NCOA4: variants seen among roughly 807,000 people sequenced by gnomAD.
NCOA4 encodes the protein nuclear receptor coactivator 4.
A neutral mutation model predicts 69.5 loss-of-function variants in NCOA4; 31 were observed. The observed-to-expected ratio is 0.45, with a 90% CI of 0.34 to 0.60. The LOEUF (loss-of-function observed/expected upper bound fraction) is 0.60, where lower values mean the gene tolerates loss of function less well. NCOA4 is among the 20% of genes least tolerant of loss of function. The probability of loss-of-function intolerance (pLI) is 0.02; values close to 1 mark genes in which losing one functional copy is unlikely to be tolerated. For missense variants in NCOA4, 600 were observed against 719.2 expected, an observed-to-expected ratio of 0.83 and a Z score of 1.90; for synonymous variants, 228 against 252.4, an observed-to-expected ratio of 0.90 and a Z score of 0.92.
At chr10:46,013,093 T>A (rs889251062) in intron 6 of NCOA4, 67 bp from the exon 7 acceptor site, 27 of 1,513,290 alleles carry the variant, frequency 1.8e-5, no homozygotes, top group Non-Finnish European at 2.5e-5. Flanking sequence ...GAAGAGCCAC[T>A]CTCTAATCTT....
rs184790481 is a variant in NCOA4, at chr10:46,019,739, G to C, written c.-14-3045C>G. Among the ~76,000 whole-genome samples the C allele has an allele frequency of 2.0e-5, 3 of 152,312 alleles. No individual in the cohort carries two copies. In the East Asian group the frequency reaches 5.8e-4, roughly 29 times the overall value. ...TTGGACTTTGCCCTTATCAGCTATAGACAGAATGTAGGATGAGATTTAAAA... is the reference window on the plus strand; with the variant it reads ...TTGGACTTTGCCCTTATCAGCTATACACAGAATGTAGGATGAGATTTAAAA... On this transcript the variant is annotated intron_variant, in intron 1 of 9. Transcript: ENST00000581486.
intron 9 of NCOA4, among the ~76,000 whole-genome samples, chr10:46,007,625 C>T (rs1180982756): frequency 1.4e-5 from 2 of 139,574 alleles, no homozygotes; most frequent in African/African-American, 2.8e-5. Flanking sequence ...CAGGGTCTCC[C>T]TCTGTCAACC....
Position 46,015,123 on chromosome 10 carries a change from T to C in NCOA4, c.282+3A>G. The C allele has an allele frequency of 6.2e-7, 1 of 1,614,206 alleles. No homozygotes were observed. Among genetic ancestry groups the C allele is most frequent in the Non-Finnish European group, 8.5e-7 (1 of 1,180,036 alleles). On this transcript the variant is annotated splice_donor_region_variant and intron_variant, in intron 3 of 9. Transcript: ENST00000581486. The stretch of plus-strand genomic sequence containing the variant: ...ACCAATTCTAGCCATGCAGTCACCT[T>C]ACCGAGTAGAGCTGCTGAGCCTGCT...
chr10:46,023,499 G>T (rs908774569), intron 1 of NCOA4: 1 of 985,418 alleles, frequency 1.0e-6, no homozygotes, highest in Non-Finnish European at 1.2e-6. Context: ...AGCCAAGGGC[G>T]GGGAGGAGCG....
At chr10:46,024,900 A>G (rs1021724092) in intron 1 of NCOA4, among the ~76,000 whole-genome samples, 1 of 152,220 alleles carries the variant, frequency 6.6e-6, no homozygotes, top group African/African-American at 2.4e-5. Flanking sequence ...TTTAAAGGCA[A>G]TAAGGCTCCT....
chr10:46,009,490 A>T lies in NCOA4; in HGVS notation c.1760T>A (p.Leu587His). 6.2e-7 allele frequency: 1 copy of T among 1,611,730 alleles called. No homozygotes were observed. Among genetic ancestry groups the T allele is most frequent in the African/African-American group, 1.3e-5 (1 of 74,986 alleles). Reference protein sequence around the residue: ...EHNFPPDHYGLPAVCDLFACM... With the variant: ...EHNFPPDHYGHPAVCDLFACM... ...GGCAAAGAGATCACAAACTGCAGGG[A>T]GGCCATAATGGTCTGGGGGGAAGTT... The change falls in exon 9 of 10, where the codon CTC (leucine) becomes CAC (histidine). Residue 587 changes from leucine (L) to histidine (H), a missense_variant. Leu to His is a moderately conservative substitution (Grantham distance 99). Transcript: ENST00000581486.
At chr10:46,021,228 C>G (rs370486195) in intron 1 of NCOA4, among the ~76,000 whole-genome samples, 12 of 152,172 alleles carry the variant, frequency 7.9e-5, no homozygotes, top group East Asian at 3.8e-4. Context: ...AGCTTTAACT[C>G]TTGTGACCCA....
At chr10:46,025,787 G>C (rs1417667753) in intron 1 of NCOA4, among the ~76,000 whole-genome samples, 1 of 152,156 alleles carries the variant, frequency 6.6e-6, no homozygotes, top group Non-Finnish European at 1.5e-5. Context: ...TTTCCGGCAG[G>C]ACGCCTGTAA....
chr10:46,027,268 C>CAAAAAAAAAAAAAAAAA, intron 1 of NCOA4, among the ~76,000 whole-genome samples: 1 of 79,708 alleles, frequency 1.3e-5, no homozygotes, highest in Non-Finnish European at 2.5e-5. Context: ...GACTCCGTCT[C>CAAAAAAAAAAAAAAAAA]AAAAAAAAAA....
chr10:46,027,560 T>C, intron 1 of NCOA4: 1 of 1,355,626 alleles, frequency 7.4e-7, no homozygotes, highest in African/African-American at 1.5e-5. Flanking sequence ...ATGAAAACCT[T>C]GGATGAAAAT....
chr10:46,025,066 C>T (rs1335432131), intron 1 of NCOA4, among the ~76,000 whole-genome samples: 1 of 152,190 alleles, frequency 6.6e-6, no homozygotes, highest in Admixed American at 6.5e-5. Context: ...TGTCTGCAAG[C>T]TGGAGACCCT....
At chr10:46,023,539 C>T in intron 1 of NCOA4, 1 of 984,900 alleles carries the variant, frequency 1.0e-6, no homozygotes, top group Non-Finnish European at 1.2e-6. Flanking sequence ...GCCCTGCTCC[C>T]AGCCAGTCCC....
At chr10:46,012,066 GAAAGAAA>G (rs1839245932) in intron 7 of NCOA4, among the ~76,000 whole-genome samples, 1 of 6,734 alleles carries the variant, frequency 1.5e-4, no homozygotes, top group African/African-American at 4.3e-4. Context: ...GTCTCAAAAA[GAAAGAAA>G]AAAAAAAAAA....
chr10:46,022,718 G>A (rs1398290185), intron 1 of NCOA4, among the ~76,000 whole-genome samples: 2 of 152,076 alleles, frequency 1.3e-5, no homozygotes, highest in Non-Finnish European at 2.9e-5. Flanking sequence ...GCCCGCCTCG[G>A]CCTCCCAAAG....
Position 46,006,418 on chromosome 10 carries a change from A to AAACAGTAACTCAT in NCOA4, c.*161_*173dup. 1.5e-6 allele frequency: 1 copy of AAACAGTAACTCAT among 663,002 alleles called. No homozygotes were observed. The highest frequency in any genetic ancestry group is 2.7e-5 in the East Asian group (1 of 37,100). The allele number at this position is 663,002 out of a possible 1,614,324, so 41.1% of individuals were successfully genotyped here. A position where few individuals can be genotyped will look rare whatever the true frequency, so the allele number is the denominator to read the frequency against. ...CATGAATAAACAGCATTTTTCTTTT[A>AAACAGTAACTCAT]AACAGTAACTCATAATCTGATGACT... On this transcript the variant is annotated 3_prime_UTR_variant, in exon 10 of 10. Coordinates refer to ENST00000581486, the MANE Select transcript of NCOA4 (RefSeq NM_001145263.2).
chr10:46,006,494 G>T lies in NCOA4; in HGVS notation c.*98C>A. ...AGGCAGGAGAAGAACTAAGCTAATTGGTCAGACCCAGAAACACAAAGATTT... is the reference window on the plus strand; with the variant it reads ...AGGCAGGAGAAGAACTAAGCTAATTTGTCAGACCCAGAAACACAAAGATTT... On this transcript the variant is annotated 3_prime_UTR_variant, in exon 10 of 10. Coordinates refer to ENST00000581486, the MANE Select transcript of NCOA4 (RefSeq NM_001145263.2). 2.2e-6 allele frequency: 3 copies of T among 1,371,222 alleles called. No homozygotes were observed. The highest frequency in any genetic ancestry group is 3.1e-6 in the Non-Finnish European group (3 of 960,444). 84.9% of individuals were successfully genotyped at this position (1,371,222 alleles called of 1,614,324 possible). A position where few individuals can be genotyped will look rare whatever the true frequency, so the allele number is the denominator to read the frequency against.
intron 1 of NCOA4, chr10:46,023,192 C>T: frequency 1.2e-6 from 1 of 818,954 alleles, no homozygotes; most frequent in Non-Finnish European, 1.5e-6. Flanking sequence ...GCCTCAGGAG[C>T]CCTTGCCCTC....
At chr10:46,009,214 T>TA (rs781934672) in intron 9 of NCOA4, 197 bp downstream of exon 9, 2 of 1,548,250 alleles carry the variant, frequency 1.3e-6, no homozygotes, top group Admixed American at 2.0e-5. Flanking sequence ...GAAGTATGCC[T>TA]AGTTAGTTAA....
intron 1 of NCOA4, among the ~76,000 whole-genome samples, chr10:46,021,339 C>T (rs1839859478): frequency 6.6e-6 from 1 of 152,106 alleles, no homozygotes; most frequent in Admixed American, 6.6e-5. Flanking sequence ...TTTAATATAA[C>T]ACTCTCATTC....
Sources: allele counts gnomAD v4.1 joint callset (sites outside exome capture counted in the v4.1 genomes callset), GRCh38; gene constraint gnomAD v4.1.1; transcripts MANE v1.5; gene names NCBI Gene and HGNC (gene_info 2026-07-23, HGNC 2026-07-21).